GDI2: variants seen among roughly 807,000 people sequenced by gnomAD.
GDI2 encodes rab GDP dissociation inhibitor beta.
In GDI2, 22 loss-of-function variants were observed where a neutral mutation model predicts 54.2. The ratio of observed to expected loss-of-function variants is 0.41; its 90% CI spans 0.29 to 0.58. GDI2 has a LOEUF of 0.58. Among genes scored for constraint, GDI2 ranks in the 20% least tolerant of loss-of-function variants. GDI2 has a pLI of 0.35. For missense variants in GDI2, 422 were observed against 546.0 expected (o/e 0.77, Z 2.26); for synonymous variants, 177 against 182.1 (o/e 0.97, Z 0.23).
At chr10:5,787,242 C>T (rs937942428) in intron 4 of GDI2, among the ~76,000 whole-genome samples, 66 of 152,320 alleles carry the variant, frequency 4.3e-4, no homozygotes, top group African/African-American at 1.5e-3. Flanking sequence ...TAGTGGCTCA[C>T]GCCTATAATC....
chr10:5,813,035 GC>G (rs1841510307), intron 1 of GDI2, among the ~76,000 whole-genome samples, 178 bp downstream of exon 1: 1 of 152,034 alleles, frequency 6.6e-6, no homozygotes, highest in East Asian at 1.9e-4. Context: ...CCGCCCGCTC[GC>G]CCCGGGACGC....
chr10:5,766,365 T>G lies in GDI2; in HGVS notation c.1137-70A>C. 1 of 1,492,564 alleles carries G rather than the reference T, an allele frequency of 6.7e-7. No homozygotes were observed. The highest frequency in any genetic ancestry group is 9.4e-7 in the Non-Finnish European group (1 of 1,069,024). The allele number at this position is 1,492,564 out of a possible 1,614,324, so 92.5% of individuals were successfully genotyped here. ...GACCATGGCTCTGCCTGAGGTCAAC[T>G]GAGAGGTACAGATGAATCCCACAGA... On this transcript the variant is annotated intron_variant, in intron 9 of 10. Coordinates refer to ENST00000380191, the MANE Select transcript of GDI2 (RefSeq NM_001494.4). This position sits in a 1 kb window ranked among gnomAD's most constrained non-coding sequence, Gnocchi z 5.8.
chr10:5,797,097 T>A (rs997770207), intron 2 of GDI2, among the ~76,000 whole-genome samples: 2 of 152,172 alleles, frequency 1.3e-5, no homozygotes, highest in African/African-American at 4.8e-5. Flanking sequence ...GTAAGGTTTT[T>A]CACTAGCAGA....
chr10:5,809,189 G>A (rs1443218933), intron 1 of GDI2, among the ~76,000 whole-genome samples: 5 of 147,058 alleles, frequency 3.4e-5, no homozygotes, highest in African/African-American at 1.2e-4. Flanking sequence ...AGGTTGCGGT[G>A]AGCCGAGATC....
chr10:5,802,617 T>C (rs1205371190), intron 1 of GDI2, among the ~76,000 whole-genome samples: 1 of 151,336 alleles, frequency 6.6e-6, no homozygotes, highest in Admixed American at 6.6e-5. Flanking sequence ...AAAAGAATTA[T>C]GGAAAACTTA....
rs184592931 is a variant in GDI2 at position 5,772,714 on chromosome 10, G to A, written c.819+1128C>T. On this transcript the variant is annotated intron_variant, in intron 7 of 10. Transcript: ENST00000380191. ...GGAGGGTGAAGTGAGCTGAGATCAC[G>A]CCACTGCACTCCAGCCTCGGCGACA... 5.3e-5 allele frequency among the ~76,000 whole-genome samples: 8 copies of A among 152,242 alleles called. No homozygotes were observed. The East Asian group carries it at 9.6e-4, about 18-fold the overall frequency.
chr10:5,774,756 C>T lies in GDI2; in HGVS notation c.720-815G>A, dbSNP rs758701283. ...TTTACTCTGCTTCTTCAACTAAAAT[C>T]GGCTCTTTCCCAAAACCCCACACTG... On this transcript the variant is annotated intron_variant, in intron 6 of 10. Coordinates refer to ENST00000380191, the MANE Select transcript of GDI2 (RefSeq NM_001494.4). The surrounding 1 kb of genome is among the most constrained non-coding windows in gnomAD (Gnocchi z 4.8). 4.6e-5 allele frequency among the ~76,000 whole-genome samples: 7 copies of T among 152,094 alleles called. No homozygotes were observed. The highest frequency in any genetic ancestry group is 7.3e-5 in the Non-Finnish European group (5 of 68,028).
chr10:5,789,323 C>T (rs1264985531), intron 4 of GDI2, among the ~76,000 whole-genome samples: 1 of 152,060 alleles, frequency 6.6e-6, no homozygotes, highest in African/African-American at 2.4e-5. Flanking sequence ...TGATCTCGAA[C>T]TCTCGGGCTC....
chr10:5,805,382 A>AAAAAAG lies in GDI2; in HGVS notation c.46-4678_46-4677insCTTTTT, dbSNP rs1841355405. Reference sequence around the variant, plus strand: ...GCTCTTTAAAAAAAAAAAAAAAAAAAAAAAGGTTGGCAGGATGCAGACAGG... The same window carrying AAAAAAG: ...GCTCTTTAAAAAAAAAAAAAAAAAAAAAAAAGAAAAGGTTGGCAGGATGCAGACAGG... On this transcript the variant is annotated intron_variant, in intron 1 of 10. Coordinates refer to ENST00000380191, the MANE Select transcript of GDI2 (RefSeq NM_001494.4). Among the ~76,000 whole-genome samples the AAAAAAG allele has an allele frequency of 2.0e-5, 3 of 151,010 alleles. No homozygotes were observed. In the South Asian group the frequency reaches 6.3e-4, roughly 32 times the overall value.
At position 5,776,648 on chromosome 10, in the gene GDI2, G is replaced by T. The variant is rs1236103274; in HGVS notation, c.720-2707C>A. On this transcript the variant is annotated intron_variant, in intron 6 of 10. Transcript: ENST00000380191. This position sits in a 1 kb window ranked among gnomAD's most constrained non-coding sequence, Gnocchi z 5.3. ...AAATGGTCCAATAGAAAAGGAGCTGGATGTAGATGCTGATTTTGTAGAAAA... is the reference window on the plus strand; with the variant it reads ...AAATGGTCCAATAGAAAAGGAGCTGTATGTAGATGCTGATTTTGTAGAAAA... 2 of 1,477,040 alleles carry T rather than the reference G, an allele frequency of 1.4e-6. No homozygotes were observed. The highest frequency in any genetic ancestry group is 1.9e-6 in the Non-Finnish European group (2 of 1,061,108). The allele number at this position is 1,477,040 out of a possible 1,614,324, so 91.5% of individuals were successfully genotyped here. A position where few individuals can be genotyped will look rare whatever the true frequency, so the allele number is the denominator to read the frequency against.
At chr10:5,802,273 G>A (rs1259913296) in intron 1 of GDI2, among the ~76,000 whole-genome samples, 4 of 152,088 alleles carry the variant, frequency 2.6e-5, no homozygotes, top group African/African-American at 9.7e-5. Context: ...GACACGTGCT[G>A]CCAATAAGTC....
chr10:5,775,093 G>C (rs867138440), intron 6 of GDI2, among the ~76,000 whole-genome samples: 2 of 152,212 alleles, frequency 1.3e-5, no homozygotes, highest in Admixed American at 6.5e-5. Flanking sequence ...TTTAAGACCA[G>C]CCTTGGCAAC....
rs1235586175 is a variant in GDI2 at position 5,774,509 on chromosome 10, G to A, written c.720-568C>T. On this transcript the variant is annotated intron_variant, in intron 6 of 10. Transcript: ENST00000380191. The surrounding 1 kb of genome is among the most constrained non-coding windows in gnomAD (Gnocchi z 4.8). Reference sequence around the variant, plus strand: ...TGGAGGCGTTCAACCCCCATACACGGTTTTCTTCTCCCCTTTCCACTCTCC... The same window carrying A: ...TGGAGGCGTTCAACCCCCATACACGATTTTCTTCTCCCCTTTCCACTCTCC... Among the ~76,000 whole-genome samples the A allele has an allele frequency of 6.6e-6, 1 of 152,006 alleles. No individual in the cohort carries two copies. The highest frequency in any genetic ancestry group is 2.4e-5 in the African/African-American group (1 of 41,372).
rs540919881 is a variant in GDI2, at chr10:5,766,402, C to T, written c.1136+92G>A. ...ATGAATCCCACAGAGCAGCCAGCAG[C>T]TACCTGCCTTGCCCTCACATTCGTC... On this transcript the variant is annotated intron_variant, in intron 9 of 10. Transcript: ENST00000380191. This position sits in a 1 kb window ranked among gnomAD's most constrained non-coding sequence, Gnocchi z 5.8. 4.6e-5 allele frequency: 70 copies of T among 1,517,872 alleles called. No individual in the cohort carries two copies. In the East Asian group the frequency reaches 1.4e-3, roughly 31 times the overall value. The allele number at this position is 1,517,872 out of a possible 1,614,324, so 94.0% of individuals were successfully genotyped here.
chr10:5,801,453 G>A (rs1180304845), intron 1 of GDI2, among the ~76,000 whole-genome samples: 1 of 151,858 alleles, frequency 6.6e-6, no homozygotes, highest in Admixed American at 6.6e-5. Flanking sequence ...AGGGGAGGTG[G>A]ATCACCTGAG....
chr10:5,790,540 G>C, intron 4 of GDI2, among the ~76,000 whole-genome samples: 1 of 152,112 alleles, frequency 6.6e-6, no homozygotes, highest in East Asian at 1.9e-4. Flanking sequence ...AGATACTTGG[G>C]GAGGCTGAGG....
intron 1 of GDI2, among the ~76,000 whole-genome samples, chr10:5,802,487 T>C (rs530823265): frequency 4.4e-4 from 67 of 151,868 alleles, no homozygotes; most frequent in Middle Eastern, 3.4e-3. Context: ...TAATCCCAGC[T>C]ACTCGGGAGG....
chr10:5,808,681 A>G (rs1044590328), intron 1 of GDI2, among the ~76,000 whole-genome samples: 7 of 149,312 alleles, frequency 4.7e-5, no homozygotes, highest in Admixed American at 4.1e-4. Context: ...TCAGAAATAA[A>G]AAGTATTGTT....
chr10:5,775,229 AG>A (rs201906349), intron 6 of GDI2, among the ~76,000 whole-genome samples: 1,897 of 152,314 alleles, frequency 0.012, 46 homozygotes, highest in African/African-American at 0.042. Context: ...TCGAGGCTGC[AG>A]TAAGTCGTGA....
Sources: allele counts gnomAD v4.1 joint callset (sites outside exome capture counted in the v4.1 genomes callset), GRCh38; gene constraint gnomAD v4.1.1; non-coding constraint Gnocchi (gnomAD v3.1); transcripts MANE v1.5; gene names NCBI Gene and HGNC (gene_info 2026-07-23, HGNC 2026-07-21).